Variants in GALNT13 observed in about 807,000 individuals in gnomAD.
GALNT13 encodes UDP-GalNAc:polypeptide N-acetylgalactosaminyltransferase 13.
A neutral mutation model predicts 64.2 loss-of-function variants in GALNT13; 28 were observed. The ratio of observed to expected loss-of-function variants is 0.44; its 90% CI spans 0.32 to 0.60. GALNT13 has a LOEUF of 0.60. Among genes scored for constraint, GALNT13 ranks in the 20% least tolerant of loss-of-function variants. The pLI, the probability that GALNT13 is intolerant of heterozygous loss-of-function variation, is 0.05. For missense variants in GALNT13, 577 were observed against 669.8 expected (o/e 0.86, Z 1.53); for synonymous variants, 214 against 224.6 (o/e 0.95, Z 0.42).
At chr2:153,196,757 G>A in the GALNT13 span, among the ~76,000 whole-genome samples, 2 of 151,972 alleles carry the variant, frequency 1.3e-5, no homozygotes, top group African/African-American at 4.8e-5. Flanking sequence ...CACTGTGGCA[G>A]CCCCCAGGGT....
At chr2:154,350,916 A>G (rs546017188) in intron 9 of GALNT13, among the ~76,000 whole-genome samples, 51 of 152,314 alleles carry the variant, frequency 3.3e-4, no homozygotes, top group African/African-American at 1.2e-3. Flanking sequence ...GAATATTTAG[A>G]GCAGAGAAAA....
chr2:153,180,128 A>G, the GALNT13 span, among the ~76,000 whole-genome samples: 2 of 152,006 alleles, frequency 1.3e-5, no homozygotes. Context: ...AAAGGGTTCA[A>G]TTTTTCACTG....
At chr2:153,486,843 A>G in the GALNT13 span, among the ~76,000 whole-genome samples, 1 of 152,166 alleles carries the variant, frequency 6.6e-6, no homozygotes, top group Non-Finnish European at 1.5e-5. Context: ...CATGATTTAG[A>G]CTTTGGAGTG....
At chr2:153,588,161 G>C in the GALNT13 span, among the ~76,000 whole-genome samples, 1 of 152,202 alleles carries the variant, frequency 6.6e-6, no homozygotes, top group African/African-American at 2.4e-5. Context: ...TCATGGGCTG[G>C]CATTGAGTGT....
intron 3 of GALNT13, among the ~76,000 whole-genome samples, chr2:154,099,955 A>AT (rs1345533963): frequency 6.6e-6 from 1 of 152,010 alleles, no homozygotes; most frequent in Admixed American, 6.6e-5. Context: ...AGCACCATTA[A>AT]TTGAGAAGGG....
the GALNT13 span, among the ~76,000 whole-genome samples, chr2:153,702,678 A>G: frequency 6.6e-6 from 1 of 152,130 alleles, no homozygotes; most frequent in Non-Finnish European, 1.5e-5. Context: ...TAGAATTGCT[A>G]TTAGCTTGAA....
chr2:153,336,396 C>G, the GALNT13 span, among the ~76,000 whole-genome samples: 2 of 152,120 alleles, frequency 1.3e-5, no homozygotes, highest in African/African-American at 4.8e-5. Flanking sequence ...CGTAGCTGCC[C>G]AAGACCATGG....
chr2:153,239,196 A>G, the GALNT13 span, among the ~76,000 whole-genome samples: 1 of 152,072 alleles, frequency 6.6e-6, no homozygotes. Context: ...TGTGTATTGC[A>G]ACTTTACTGA....
the GALNT13 span, among the ~76,000 whole-genome samples, chr2:153,288,267 A>G: frequency 1.3e-5 from 2 of 152,220 alleles, no homozygotes; most frequent in East Asian, 3.9e-4. Flanking sequence ...TGTGCCCTAT[A>G]TGTGTGTGTC....
intron 9 of GALNT13, among the ~76,000 whole-genome samples, chr2:154,306,617 G>T (rs940053787): frequency 3.3e-5 from 3 of 91,316 alleles, no homozygotes; most frequent in African/African-American, 8.2e-5. Flanking sequence ...GGATAATTTG[G>T]TGGGGGGGGG....
chr2:153,532,289 CT>C, the GALNT13 span, among the ~76,000 whole-genome samples: 1 of 152,066 alleles, frequency 6.6e-6, no homozygotes, highest in Non-Finnish European at 1.5e-5. Context: ...GAAGCCACCC[CT>C]CTGAAGGCAG....
chr2:154,118,880 T>C (rs1375444118), intron 3 of GALNT13, among the ~76,000 whole-genome samples: 1 of 152,132 alleles, frequency 6.6e-6, no homozygotes, highest in Non-Finnish European at 1.5e-5. Flanking sequence ...ATGCCAGAAT[T>C]GGTAACATTT....
chr2:153,569,144 C>T, the GALNT13 span, among the ~76,000 whole-genome samples: 1 of 152,036 alleles, frequency 6.6e-6, no homozygotes, highest in Non-Finnish European at 1.5e-5. Context: ...ATAGATTATG[C>T]TTATGTTAAA....
In GALNT13 at chr2:154,392,636, C is replaced by T. The variant is rs1187984924; in HGVS notation, c.1157-3355C>T. On this transcript the variant is annotated intron_variant, in intron 9 of 12. Transcript: ENST00000392825. ...GTGAGTATAAATGAATTCAAAAAGCCAGCCAAGAGCTATTTTCTAAAGGAT... is the reference window on the plus strand; with the variant it reads ...GTGAGTATAAATGAATTCAAAAAGCTAGCCAAGAGCTATTTTCTAAAGGAT... Among the ~76,000 whole-genome samples, 4 of 152,278 alleles carry T rather than the reference C, an allele frequency of 2.6e-5. No homozygotes were observed. The East Asian group carries it at 7.7e-4, about 29-fold the overall frequency.
intron 3 of GALNT13, among the ~76,000 whole-genome samples, chr2:154,022,756 C>T (rs940232707): frequency 6.6e-6 from 1 of 152,092 alleles, no homozygotes; most frequent in African/African-American, 2.4e-5. Context: ...TGTGTTTGCT[C>T]TTGCTTTTCT....
the GALNT13 span, among the ~76,000 whole-genome samples, chr2:153,729,308 G>A: frequency 2.0e-5 from 3 of 151,972 alleles, no homozygotes; most frequent in African/African-American, 7.2e-5. Flanking sequence ...CTTTTCAGAT[G>A]TACATATTTT....
the GALNT13 span, among the ~76,000 whole-genome samples, chr2:153,515,684 G>A: frequency 1.3e-5 from 2 of 152,104 alleles, no homozygotes; most frequent in African/African-American, 2.4e-5. Flanking sequence ...ACTTAGTGGT[G>A]GTACCCAGTG....
At chr2:153,517,044 C>T in the GALNT13 span, among the ~76,000 whole-genome samples, 1 of 151,970 alleles carries the variant, frequency 6.6e-6, no homozygotes, top group East Asian at 2.0e-4. Flanking sequence ...CTTCTCTGCT[C>T]AGAATTTGGT....
At chr2:153,954,665 G>T (rs893747606) in intron 3 of GALNT13, among the ~76,000 whole-genome samples, 10 of 151,186 alleles carry the variant, frequency 6.6e-5, no homozygotes, top group African/African-American at 2.4e-4. Context: ...ACTGTGCTAG[G>T]TGCTTTACAA....
Sources: allele counts gnomAD v4.1 joint callset (sites outside exome capture counted in the v4.1 genomes callset), GRCh38; gene constraint gnomAD v4.1.1; transcripts MANE v1.5; gene names NCBI Gene and HGNC (gene_info 2026-07-23, HGNC 2026-07-21).